Variants in CCND2 observed in about 807,000 individuals in gnomAD.
CCND2 encodes the protein cyclin D2, also known as G1/S-specific cyclin-D2.
In CCND2, 6 loss-of-function variants were observed where a neutral mutation model predicts 30.2. That is an observed-to-expected ratio of 0.20 (90% CI 0.11 to 0.39). CCND2 has a LOEUF of 0.39. Ranked by LOEUF, CCND2 falls within the 10% of genes least tolerant of loss-of-function variation. CCND2 has a pLI of 1.00. For missense variants in CCND2, 235 were observed against 373.4 expected, an observed-to-expected ratio of 0.63 and a Z score of 3.06; for synonymous variants, 150 against 153.1, an observed-to-expected ratio of 0.98 and a Z score of 0.15.
At chr12:4,297,847 C>T (rs893193652) in intron 4 of CCND2, 8 of 453,220 alleles carry the variant, frequency 1.8e-5, no homozygotes, top group South Asian at 3.1e-5. Context: ...CAGAGGCCAG[C>T]GCCCGACTCC....
chr12:4,282,746 C>T lies in CCND2; in HGVS notation c.571+3827C>T, dbSNP rs560683643. On this transcript the variant is annotated intron_variant, in intron 3 of 4. Transcript: ENST00000261254. The surrounding 1 kb of genome is among the most constrained non-coding windows in gnomAD (Gnocchi z 4.3). ...GCCCTCCAACCAGCCCCCTCCCCAG[C>T]TCCTCCCAGCAGGCCTTGCAGTTGC... Among the ~76,000 whole-genome samples the T allele has an allele frequency of 5.9e-5, 9 of 152,098 alleles. No homozygotes were observed. In the South Asian group the frequency reaches 1.9e-3, roughly 32 times the overall value.
At position 4,285,283 on chromosome 12, in the gene CCND2, A is replaced by C; in HGVS notation, c.572-3559A>C. The C allele has an allele frequency of 2.0e-6, 2 of 985,330 alleles. No homozygotes were observed. The highest frequency in any genetic ancestry group is 9.4e-5 in the South Asian group (2 of 21,264). The allele number at this position is 985,330 out of a possible 1,614,324, so 61.0% of individuals were successfully genotyped here. ...CTCTCTCTCTGCTGCAGGAGGAAGG[A>C]TCTCAGGAAGTCACCAGCATCTCAC... On this transcript the variant is annotated intron_variant, in intron 3 of 4. Coordinates refer to ENST00000261254, the MANE Select transcript of CCND2 (RefSeq NM_001759.4). This position sits in a 1 kb window ranked among gnomAD's most constrained non-coding sequence, Gnocchi z 4.1.
rs1201546728 is a variant in CCND2 at position 4,299,157 on chromosome 12, C to T, written c.721-703C>T. ...CGGGCGGATCACAAGGTCAGGAGTT[C>T]GAGGCCAGCCTGGCCAATATGGTGA... On this transcript the variant is annotated intron_variant, in intron 4 of 4. Transcript: ENST00000261254. This position sits in a 1 kb window ranked among gnomAD's most constrained non-coding sequence, Gnocchi z 5.2. Among the ~76,000 whole-genome samples, 1 of 151,678 alleles carries T rather than the reference C, an allele frequency of 6.6e-6. No homozygotes were observed. Among genetic ancestry groups the T allele is most frequent in the Non-Finnish European group, 1.5e-5 (1 of 67,928 alleles).
chr12:4,282,407 C>T lies in CCND2; in HGVS notation c.571+3488C>T, dbSNP rs553204740. 6.6e-6 allele frequency among the ~76,000 whole-genome samples: 1 copy of T among 152,358 alleles called. No individual in the cohort carries two copies. Among genetic ancestry groups the T allele is most frequent in the East Asian group, 1.9e-4 (1 of 5,184 alleles). The stretch of plus-strand genomic sequence containing the variant: ...AGAACCCATTGTGCTGTCCTAGCCC[C>T]TTCCCTGGCTTTACCTACAGGTGTT... On this transcript the variant is annotated intron_variant, in intron 3 of 4. Coordinates refer to ENST00000261254, the MANE Select transcript of CCND2 (RefSeq NM_001759.4). This position sits in a 1 kb window ranked among gnomAD's most constrained non-coding sequence, Gnocchi z 4.3.
intron 4 of CCND2, among the ~76,000 whole-genome samples, chr12:4,294,342 C>T (rs573283208): frequency 6.6e-6 from 1 of 152,192 alleles, no homozygotes; most frequent in East Asian, 1.9e-4. Flanking sequence ...TGCCCGACCG[C>T]CAGCGCGGTA....
intron 4 of CCND2, among the ~76,000 whole-genome samples, chr12:4,298,891 A>G (rs889283999): frequency 6.6e-5 from 10 of 152,224 alleles, no homozygotes; most frequent in African/African-American, 2.2e-4. Flanking sequence ...TGCCTGGGGC[A>G]GACACACTGT....
intron 4 of CCND2, among the ~76,000 whole-genome samples, chr12:4,295,937 C>T (rs906107682): frequency 6.6e-6 from 1 of 152,252 alleles, no homozygotes; most frequent in Non-Finnish European, 1.5e-5. Context: ...TTACATAAAA[C>T]ACTACTGTGC....
chr12:4,289,754 G>T (rs541793472), intron 4 of CCND2, among the ~76,000 whole-genome samples: 107 of 152,282 alleles, frequency 7.0e-4, no homozygotes, highest in Middle Eastern at 3.4e-3. Context: ...ACAGGATGGT[G>T]CCAAGAGGTC....
Position 4,285,346 on chromosome 12 carries a change from C to A in CCND2, c.572-3496C>A. ...GCAATTAACGATGGCGAGGGCACAC[C>A]CTCACCCCTGAGCGTGCCTTCTGCA... On this transcript the variant is annotated intron_variant, in intron 3 of 4. Coordinates refer to ENST00000261254, the MANE Select transcript of CCND2 (RefSeq NM_001759.4). This position sits in a 1 kb window ranked among gnomAD's most constrained non-coding sequence, Gnocchi z 4.1. The A allele has an allele frequency of 2.0e-6, 2 of 985,320 alleles. No individual in the cohort carries two copies. The highest frequency in any genetic ancestry group is 2.4e-6 in the Non-Finnish European group (2 of 829,842). 61.0% of individuals were successfully genotyped at this position (985,320 alleles called of 1,614,324 possible).
chr12:4,283,126 C>T (rs1259966733), intron 3 of CCND2, among the ~76,000 whole-genome samples: 1 of 152,330 alleles, frequency 6.6e-6, no homozygotes, highest in East Asian at 1.9e-4. Context: ...TTACTTAGCT[C>T]TGAACTCTTT....
In CCND2 at chr12:4,299,985, A is replaced by G. The variant is rs1219294594; in HGVS notation, c.846A>G (p.Thr282=). The G allele has an allele frequency of 1.2e-6, 2 of 1,614,114 alleles. No homozygotes were observed. The highest frequency in any genetic ancestry group is 1.7e-6 in the Non-Finnish European group (2 of 1,179,976). Residue 282 remains threonine (T), a synonymous_variant, in exon 5 of 5, where the codon ACA becomes ACG. Transcript: ENST00000261254. This position sits in a 1 kb window ranked among gnomAD's most constrained non-coding sequence, Gnocchi z 5.2. ...EDELDQASTP[T]DVRDIDL ...AACTGGACCAAGCCAGCACCCCTACAGACGTGCGGGATATCGACCTGTGAG... is the reference window on the plus strand; with the variant it reads ...AACTGGACCAAGCCAGCACCCCTACGGACGTGCGGGATATCGACCTGTGAG...
At position 4,287,355 on chromosome 12, in the gene CCND2, A is replaced by T. The variant is rs561835793; in HGVS notation, c.572-1487A>T. Among the ~76,000 whole-genome samples the T allele has an allele frequency of 6.6e-6, 1 of 152,150 alleles. No homozygotes were observed. Among genetic ancestry groups the T allele is most frequent in the African/African-American group, 2.4e-5 (1 of 41,504 alleles). On this transcript the variant is annotated intron_variant, in intron 3 of 4. Coordinates refer to ENST00000261254, the MANE Select transcript of CCND2 (RefSeq NM_001759.4). This position sits in a 1 kb window ranked among gnomAD's most constrained non-coding sequence, Gnocchi z 4.0. The stretch of plus-strand genomic sequence containing the variant: ...GCTGTAGAAAGTGTGTTTGTAATAG[A>T]GTGTGTACAGGAGGAAGGGGAAATA...
intron 3 of CCND2, among the ~76,000 whole-genome samples, chr12:4,280,819 G>A (rs1018623827): frequency 6.6e-6 from 1 of 152,216 alleles, no homozygotes; most frequent in South Asian, 2.1e-4. Flanking sequence ...AGATCTTTTG[G>A]GGTCTAACTG....
intron 3 of CCND2, among the ~76,000 whole-genome samples, chr12:4,280,178 A>G (rs1026004886): frequency 9.9e-5 from 15 of 152,264 alleles, no homozygotes; most frequent in Admixed American, 5.2e-4. Context: ...ATGCACGTGG[A>G]CGTGCTTTGT....
intron 4 of CCND2, among the ~76,000 whole-genome samples, chr12:4,296,447 T>C (rs1271751329): frequency 6.6e-6 from 1 of 152,272 alleles, no homozygotes. Context: ...ACCGCATCGC[T>C]ACGCCTAACG....
At position 4,305,154 on chromosome 12, in the gene CCND2, G is replaced by T. The variant is rs1305328532; in HGVS notation, c.*5145G>T. On this transcript the variant is annotated 3_prime_UTR_variant, in exon 5 of 5. Coordinates refer to ENST00000261254, the MANE Select transcript of CCND2 (RefSeq NM_001759.4). The surrounding 1 kb of genome is among the most constrained non-coding windows in gnomAD (Gnocchi z 6.4). Reference sequence around the variant, plus strand: ...TCAGTGTATGCGAAAAGGTTTTTAGGAAGTATGGCAAAAATGTTGTATTGG... The same window carrying T: ...TCAGTGTATGCGAAAAGGTTTTTAGTAAGTATGGCAAAAATGTTGTATTGG... 1 of 233,388 alleles carries T rather than the reference G, an allele frequency of 4.3e-6. No homozygotes were observed. The highest frequency in any genetic ancestry group is 2.2e-5 in the African/African-American group (1 of 45,310). The allele number at this position is 233,388 out of a possible 1,614,324, so 14.5% of individuals were successfully genotyped here. A position where few individuals can be genotyped will look rare whatever the true frequency, so the allele number is the denominator to read the frequency against.
chr12:4,296,262 AC>A (rs1864166965), intron 4 of CCND2, among the ~76,000 whole-genome samples: 1 of 152,242 alleles, frequency 6.6e-6, no homozygotes, highest in Admixed American at 6.5e-5. Flanking sequence ...GGTAAAAGAT[AC>A]ATTAACCCAG....
At chr12:4,277,728 T>C (rs1863893386) in intron 2 of CCND2, among the ~76,000 whole-genome samples, 1 of 152,294 alleles carries the variant, frequency 6.6e-6, no homozygotes, top group Middle Eastern at 3.4e-3. Flanking sequence ...GTGGGACTGG[T>C]GCTCTGGTTG....
In CCND2 at chr12:4,301,251, T is replaced by C. The variant is rs776793651; in HGVS notation, c.*1242T>C. On this transcript the variant is annotated 3_prime_UTR_variant, in exon 5 of 5. Transcript: ENST00000261254. ...TTCTGATGGCACAGAAGGATCTTAA[T>C]TCCCATCTCTATACTTCTCCTTTGG... 8.6e-6 allele frequency: 2 copies of C among 233,580 alleles called. No individual in the cohort carries two copies. Among genetic ancestry groups the C allele is most frequent in the South Asian group, 3.6e-4 (2 of 5,536 alleles). 14.5% of individuals were successfully genotyped at this position (233,580 alleles called of 1,614,324 possible).
Sources: gnomAD v4.1 joint callset for allele counts (sites outside exome capture counted in the v4.1 genomes callset) on GRCh38, gnomAD v4.1.1 for gene constraint, Gnocchi (gnomAD v3.1) non-coding constraint, MANE v1.5 for transcripts, NCBI Gene and HGNC (gene_info 2026-07-23, HGNC 2026-07-21) for gene names.